Variants in PLXDC2 observed in about 807,000 individuals in gnomAD.
PLXDC2 encodes the protein plexin domain containing 2.
In PLXDC2, 40 loss-of-function variants were observed where a neutral mutation model predicts 68.9. The observed-to-expected ratio is 0.58, with a 90% CI of 0.45 to 0.76. PLXDC2 has a LOEUF of 0.76. PLXDC2 is among the 30% of genes least tolerant of loss of function. PLXDC2 has a pLI of 0.00. For missense variants in PLXDC2, 644 were observed against 661.9 expected, an observed-to-expected ratio of 0.97 and a Z score of 0.30; for synonymous variants, 243 against 234.2, an observed-to-expected ratio of 1.04 and a Z score of -0.34.
chr10:20,049,149 C>G (rs1271413573), intron 3 of PLXDC2, among the ~76,000 whole-genome samples: 1 of 151,970 alleles, frequency 6.6e-6, no homozygotes, highest in Non-Finnish European at 1.5e-5. Context: ...AAGCTATCAA[C>G]AAAATTCAAC....
intron 1 of PLXDC2, among the ~76,000 whole-genome samples, chr10:19,925,089 G>A (rs1833518194): frequency 6.6e-6 from 1 of 152,212 alleles, no homozygotes; most frequent in Non-Finnish European, 1.5e-5. Flanking sequence ...GCTTGAGACA[G>A]CACAGTTAAC....
chr10:20,131,281 T>A (rs1833864315), intron 4 of PLXDC2, among the ~76,000 whole-genome samples: 1 of 152,104 alleles, frequency 6.6e-6, no homozygotes, highest in Non-Finnish European at 1.5e-5. Context: ...TATGTATGTT[T>A]CCAGAAATTT....
At chr10:20,080,115 A>G (rs989745194) in intron 4 of PLXDC2, among the ~76,000 whole-genome samples, 2 of 152,176 alleles carry the variant, frequency 1.3e-5, no homozygotes, top group Admixed American at 6.5e-5. Flanking sequence ...TTAAAAAGAA[A>G]TTGCAGGAAC....
intron 1 of PLXDC2, among the ~76,000 whole-genome samples, chr10:19,947,847 G>A (rs559521269): frequency 6.6e-6 from 1 of 151,958 alleles, no homozygotes; most frequent in South Asian, 2.1e-4. Context: ...TTTCGTTCGT[G>A]TTTGAGTCCC....
At chr10:19,913,604 C>T (rs368082231) in intron 1 of PLXDC2, among the ~76,000 whole-genome samples, 4 of 151,970 alleles carry the variant, frequency 2.6e-5, no homozygotes, top group African/African-American at 4.8e-5. Flanking sequence ...AAAATTAAGT[C>T]GAAATGTAGG....
At chr10:20,270,334 G>A (rs1383970462) in intron 13 of PLXDC2, among the ~76,000 whole-genome samples, 1 of 152,134 alleles carries the variant, frequency 6.6e-6, no homozygotes, top group Non-Finnish European at 1.5e-5. Flanking sequence ...ACTCCCCAGT[G>A]AGCTCAGTAA....
chr10:20,009,173 A>C (rs1835071334), intron 2 of PLXDC2, among the ~76,000 whole-genome samples: 1 of 152,222 alleles, frequency 6.6e-6, no homozygotes, highest in African/African-American at 2.4e-5. Context: ...TTTCACAGAA[A>C]TAGAGTGATA....
chr10:20,139,654 C>G (rs1833975094), intron 4 of PLXDC2, among the ~76,000 whole-genome samples: 1 of 152,132 alleles, frequency 6.6e-6, no homozygotes, highest in South Asian at 2.1e-4. Context: ...CACATAAACC[C>G]CATGGAATAC....
chr10:20,212,110 G>C (rs948432499), intron 10 of PLXDC2, among the ~76,000 whole-genome samples: 4 of 151,934 alleles, frequency 2.6e-5, no homozygotes, highest in African/African-American at 9.7e-5. Flanking sequence ...GAGGGGTGAA[G>C]TGTGGGTTCT....
At chr10:20,121,147 T>C (rs1259494282) in intron 4 of PLXDC2, among the ~76,000 whole-genome samples, 1 of 152,068 alleles carries the variant, frequency 6.6e-6, no homozygotes, top group African/African-American at 2.4e-5. Context: ...GTGTCAGGTA[T>C]GAGGAAGAAA....
chr10:20,146,488 TTTCCTTCCTTCCTTCC>T (rs34150409), intron 5 of PLXDC2, among the ~76,000 whole-genome samples: 1 of 81,338 alleles, frequency 1.2e-5, no homozygotes, highest in Admixed American at 1.7e-4. Context: ...TTCTTTTCTT[TTTCCTTCCTTCCTTCC>T]TTCCTTCCTT....
chr10:19,885,088 T>A (rs1837817096), intron 1 of PLXDC2, among the ~76,000 whole-genome samples: 1 of 152,212 alleles, frequency 6.6e-6, no homozygotes, highest in Non-Finnish European at 1.5e-5. Context: ...TTGATTTGCA[T>A]TTCTCTGATG....
chr10:19,907,724 T>C (rs1043472253), intron 1 of PLXDC2, among the ~76,000 whole-genome samples: 1 of 152,244 alleles, frequency 6.6e-6, no homozygotes, highest in African/African-American at 2.4e-5. Context: ...ATGCTTTTCT[T>C]GTACATCACT....
At position 19,883,025 on chromosome 10, in the gene PLXDC2, C is replaced by T. The variant is rs867458725; in HGVS notation, c.112+65834C>T. 6.5e-4 allele frequency among the ~76,000 whole-genome samples: 97 copies of T among 148,210 alleles called. 1 individual carries two copies. The South Asian group carries it at 7.2e-3, about 11-fold the overall frequency. On this transcript the variant is annotated intron_variant, in intron 1 of 13. Transcript: ENST00000377252. ...AGGCTGGAGTGCAGTGGCTCGATCTCGGCTCACTACAAGCTCCGCCTCCCG... is the reference window on the plus strand; with the variant it reads ...AGGCTGGAGTGCAGTGGCTCGATCTTGGCTCACTACAAGCTCCGCCTCCCG...
At chr10:20,188,601 G>A (rs10827988) in intron 9 of PLXDC2, among the ~76,000 whole-genome samples, 34,582 of 151,380 alleles carry the variant, frequency 0.23, 4,979 homozygotes, top group East Asian at 0.49. Context: ...GGGCCTGGAA[G>A]CTGCAGTGAT....
chr10:20,047,878 T>C (rs1253194834), intron 3 of PLXDC2, among the ~76,000 whole-genome samples: 1 of 152,180 alleles, frequency 6.6e-6, no homozygotes, highest in African/African-American at 2.4e-5. Flanking sequence ...GCAAAGCTGA[T>C]GCTCAAATTG....
chr10:19,956,344 T>C (rs1834069346), intron 1 of PLXDC2, among the ~76,000 whole-genome samples: 1 of 152,222 alleles, frequency 6.6e-6, no homozygotes, highest in Non-Finnish European at 1.5e-5. Context: ...ATTTTTTATA[T>C]TGACTGCATG....
At chr10:20,186,770 T>C (rs930734898) in intron 9 of PLXDC2, among the ~76,000 whole-genome samples, 1 of 151,996 alleles carries the variant, frequency 6.6e-6, no homozygotes, top group African/African-American at 2.4e-5. Flanking sequence ...GGCTGCGTAG[T>C]ATTCCATCAT....
intron 12 of PLXDC2, among the ~76,000 whole-genome samples, chr10:20,230,710 A>AAAAAAAAAAAC (rs1835352153): frequency 6.7e-6 from 1 of 149,702 alleles, no homozygotes; most frequent in African/African-American, 2.4e-5. Flanking sequence ...AAAAAAAAAA[A>AAAAAAAAAAAC]AAAACAGGAA....
Sources: gnomAD v4.1 joint callset for allele counts (sites outside exome capture counted in the v4.1 genomes callset) on GRCh38, gnomAD v4.1.1 for gene constraint, MANE v1.5 for transcripts, NCBI Gene and HGNC (gene_info 2026-07-23, HGNC 2026-07-21) for gene names.